Variants in ITGA2B observed in about 807,000 individuals in gnomAD.
ITGA2B encodes integrin subunit alpha 2b.
In ITGA2B, 91 loss-of-function variants were observed where a neutral mutation model predicts 142.0. The ratio of observed to expected loss-of-function variants is 0.64; its 90% CI spans 0.54 to 0.76. ITGA2B has a LOEUF of 0.76. Among genes scored for constraint, ITGA2B ranks in the 30% least tolerant of loss-of-function variants. The pLI is 0.00. For synonymous variants in ITGA2B, 536 were observed against 567.2 expected, an observed-to-expected ratio of 0.94 and a Z score of 0.78; for missense variants, 1,231 against 1,350.8, an observed-to-expected ratio of 0.91 and a Z score of 1.39.
chr17:44,383,589 C>A lies in ITGA2B; in HGVS notation c.1114G>T (p.Gly372Cys). Reference protein sequence around the residue: ...FLQPRGPHALGAPSLLLTGTQ... With the variant: ...FLQPRGPHALCAPSLLLTGTQ... ...CCAGTCAGCAGGAGGCTGGGGGCAC[C>A]CAGCGCGTGGGGGCCTCGCGGCTGC... is the stretch of plus-strand genomic sequence containing the variant. Residue 372 changes from glycine (G) to cysteine (C), a missense_variant, in exon 12 of 30, where the codon GGT becomes TGT. By Grantham distance (159) the Gly-to-Cys change is radical. This residue lies in a region of ITGA2B where 908 missense variants were observed against 1,021.1 expected (regional missense o/e 0.89). Coordinates refer to ENST00000262407, the MANE Select transcript of ITGA2B (RefSeq NM_000419.5). 1.9e-6 allele frequency: 3 copies of A among 1,611,286 alleles called. No homozygotes were observed. Among genetic ancestry groups the A allele is most frequent in the Non-Finnish European group, 8.5e-7 (1 of 1,179,540 alleles).
chr17:44,376,356 A>G lies in ITGA2B; in HGVS notation c.2300T>C (p.Val767Ala), dbSNP rs369924762. ...TGCCCGGACCGGCACGTCCAGCAGC[A>G]CAATCTTGCTGTTTGGATTCTGGCT... ...KNSQNPNSKI[V>A]LLDVPVRAEA... The change falls in exon 23 of 30, where the codon GTG becomes GCG. Residue 767 changes from valine (V) to alanine (A), a missense_variant. Physicochemically the swap from Val to Ala is moderately conservative, Grantham distance 64. This residue lies in a region of ITGA2B where 908 missense variants were observed against 1,021.1 expected (regional missense o/e 0.89). Transcript: ENST00000262407. The G allele has an allele frequency of 6.8e-6, 11 of 1,614,044 alleles. No homozygotes were observed. In the African/African-American group the frequency reaches 1.3e-4, roughly 20 times the overall value.
Position 44,380,908 on chromosome 17 carries a change from G to C in ITGA2B, c.1364C>G (p.Ala455Gly). The C allele has an allele frequency of 6.2e-7, 1 of 1,614,224 alleles. No individual in the cohort carries two copies. The highest frequency in any genetic ancestry group is 8.5e-7 in the Non-Finnish European group (1 of 1,180,040). The change falls in exon 13 of 30, where the codon GCC becomes GGC. Residue 455 changes from alanine to glycine, a missense_variant. Coordinates refer to ENST00000262407, the MANE Select transcript of ITGA2B (RefSeq NM_000419.5). ...GTATCCGTTGTCATCGATGTCTACG[G>C]CACCTCGAAGGGAGAAGCCAAAGGC... ...GSAFGFSLRGAVDIDDNGYPD... is the reference protein window; with the variant it reads ...GSAFGFSLRGGVDIDDNGYPD...
rs769338746 is a variant in ITGA2B, at chr17:44,389,366, T to C, written c.108A>G (p.Pro36=). The C allele has an allele frequency of 6.2e-6, 10 of 1,614,162 alleles. No individual in the cohort carries two copies. In the South Asian group the frequency reaches 9.9e-5, roughly 16 times the overall value. ...GGCCTGCATAGAAGGTGAGCTGCAC[T>C]GGGTCCAGGTTCAAGGCCCAGGCTG... The part of the protein sequence containing the change: ...APPAWALNLD[P]VQLTFYAGPN... The change falls in exon 1 of 30, where the codon CCA becomes CCG. Residue 36 remains proline, a synonymous_variant. Coordinates refer to ENST00000262407, the MANE Select transcript of ITGA2B (RefSeq NM_000419.5).
At chr17:44,375,807 A>G in intron 25 of ITGA2B, 26 bp downstream of exon 25, 3 of 1,562,756 alleles carry the variant, frequency 1.9e-6, no homozygotes, top group South Asian at 1.2e-5. Context: ...CCGCCTTCCC[A>G]GGTCTTTCTT....
rs77992265 is a variant in ITGA2B, at chr17:44,372,214, G to A, written c.*150C>T. The A allele has an allele frequency of 8.2e-5, 60 of 734,802 alleles. No individual in the cohort carries two copies. The highest frequency in any genetic ancestry group is 4.0e-4 in the East Asian group (15 of 37,242). 45.5% of individuals were successfully genotyped at this position (734,802 alleles called of 1,614,324 possible). A position where few individuals can be genotyped will look rare whatever the true frequency, so the allele number is the denominator to read the frequency against. ...CAGTCTCTTTATTAGGCAGCAGGAG[G>A]GGGGGTAGCCCAGCTCTGTTGGGAG... On this transcript the variant is annotated 3_prime_UTR_variant, in exon 30 of 30. Transcript: ENST00000262407.
At chr17:44,372,833 C>G (rs920351587) in intron 29 of ITGA2B, among the ~76,000 whole-genome samples, 1 of 151,964 alleles carries the variant, frequency 6.6e-6, no homozygotes, top group Non-Finnish European at 1.5e-5. Context: ...GTTGGCCGGG[C>G]TGGTCTCAAA....
rs1475414372 is a variant in ITGA2B, at chr17:44,389,309, G to A, written c.165C>T (p.Asp55=). ...ACCTCCCATGGCTGTCCTTGTGGAAGTCCAGTGAAAATCCAAACTGGCTGC... is the reference window on the plus strand; with the variant it reads ...ACCTCCCATGGCTGTCCTTGTGGAAATCCAGTGAAAATCCAAACTGGCTGC... ...PNGSQFGFSL[D]FHKDSHGRVA... is the part of the protein sequence containing the mutation. Residue 55 remains aspartate, a synonymous_variant, in exon 1 of 30, where the codon GAC becomes GAT. Transcript: ENST00000262407. The A allele has an allele frequency of 6.2e-7, 1 of 1,614,168 alleles. No individual in the cohort carries two copies. The highest frequency in any genetic ancestry group is 1.1e-5 in the South Asian group (1 of 91,084).
intron 27 of ITGA2B, 108 bp downstream of exon 27, chr17:44,374,890 C>A (rs2048526125): frequency 2.4e-6 from 3 of 1,266,104 alleles, no homozygotes; most frequent in Non-Finnish European, 3.3e-6. Context: ...CCAAAGTAAA[C>A]CTTGCCTTCC....
intron 12 of ITGA2B, among the ~76,000 whole-genome samples, chr17:44,381,640 A>AT (rs959154896): frequency 8.2e-5 from 11 of 134,540 alleles, no homozygotes; most frequent in East Asian, 6.9e-4. Context: ...CCCTTTTAAA[A>AT]TTTTTTTATT....
rs969290408 is a variant in ITGA2B at position 44,378,972 on chromosome 17, G to A, written c.1879-262C>T. On this transcript the variant is annotated intron_variant, in intron 18 of 29. Transcript: ENST00000262407. ...TGTTTATTTTATTTTTGGAGACGGA[G>A]TCTCGCTCTGTCGTCCAGGCTGGAG... Among the ~76,000 whole-genome samples, 12 of 152,306 alleles carry A rather than the reference G, an allele frequency of 7.9e-5. No homozygotes were observed. The East Asian group carries it at 2.1e-3, about 27-fold the overall frequency.
At position 44,389,420 on chromosome 17, in the gene ITGA2B, C is replaced by A; in HGVS notation, c.54G>T (p.Leu18=). The change falls in exon 1 of 30, where the codon CTG becomes CTT. Residue 18 remains leucine, a synonymous_variant. Transcript: ENST00000262407. ...LQALWLLEWV[L]LLLGPCAAPP... ...GGGCAGCACAAGGTCCCAAGAGCAG[C>A]AGCACCCACTCCAGAAGCCAGAGGG... 6.2e-7 allele frequency: 1 copy of A among 1,614,192 alleles called. No homozygotes were observed.
rs2048562225 is a variant in ITGA2B at position 44,378,301 on chromosome 17, G to A, written c.2094+61C>T. ...GAGGGACTCTCAGGGAGGGAGATGA[G>A]AGAGCCAAGGCTCCAGTGCCTCCCA... On this transcript the variant is annotated intron_variant, in intron 20 of 29. Coordinates refer to ENST00000262407, the MANE Select transcript of ITGA2B (RefSeq NM_000419.5). 5.1e-6 allele frequency: 8 copies of A among 1,561,538 alleles called. No homozygotes were observed. In the South Asian group the frequency reaches 9.5e-5, roughly 19 times the overall value.
chr17:44,385,020 G>C lies in ITGA2B; in HGVS notation c.727C>G (p.Leu243Val). ...DIFSSYRPGI[L>V]LWHVSSQSLS... ...CTCTGGGAGGACACGTGCCACAAAA[G>C]GATGCCTGGGCGGTAACTCGAGAAA... The change falls in exon 7 of 30, where the codon CTT (leucine) becomes GTT (valine). Residue 243 changes from leucine to valine, a missense_variant. Physicochemically the swap from Leu to Val is conservative, Grantham distance 32 (BLOSUM62 1). Around this residue, in one of 3 missense-constraint regions of ITGA2B, gnomAD observed 318 missense variants for 312.2 expected, o/e 1.02. Transcript: ENST00000262407. 1 of 1,614,192 alleles carries C rather than the reference G, an allele frequency of 6.2e-7. No individual in the cohort carries two copies. The highest frequency in any genetic ancestry group is 8.5e-7 in the Non-Finnish European group (1 of 1,180,030).
rs1390395063 is a variant in ITGA2B at position 44,380,931 on chromosome 17, G to A, written c.1341C>T (p.Ala447=). 6.2e-7 allele frequency: 1 copy of A among 1,614,256 alleles called. No homozygotes were observed. The highest frequency in any genetic ancestry group is 1.1e-5 in the South Asian group (1 of 91,088). ...VLDSPFPTGS[A]FGFSLRGAVD... is the part of the protein sequence containing the mutation. ...CGGCACCTCGAAGGGAGAAGCCAAA[G>A]GCAGAGCCTGTGGGGAAGGGGCTGT... Residue 447 remains alanine (A), a synonymous_variant, in exon 13 of 30, where the codon GCC becomes GCT. Transcript: ENST00000262407.
chr17:44,387,642 A>G (rs1472958450), intron 1 of ITGA2B, among the ~76,000 whole-genome samples: 4 of 150,982 alleles, frequency 2.6e-5, no homozygotes, highest in African/African-American at 4.9e-5. Context: ...CCTGACCAAC[A>G]TGGAGAAACC....
At position 44,383,929 on chromosome 17, in the gene ITGA2B, C is replaced by A; in HGVS notation, c.963G>T (p.Gly321=). Residue 321 remains glycine, a synonymous_variant, in exon 11 of 30, where the codon GGG becomes GGT. Coordinates refer to ENST00000262407, the MANE Select transcript of ITGA2B (RefSeq NM_000419.5). ...TGACGTCAGTGACAGCCACTGAATG[C>A]CCAAAATACGACGCCATCTGCAAGA... ...LRGEQMASYF[G]HSVAVTDVNG... is the part of the protein sequence containing the mutation. 6.2e-7 allele frequency: 1 copy of A among 1,614,010 alleles called. No homozygotes were observed. Among genetic ancestry groups the A allele is most frequent in the Non-Finnish European group, 8.5e-7 (1 of 1,180,004 alleles).
chr17:44,383,862 A>G (rs2048618762), intron 11 of ITGA2B, 32 bp downstream of exon 11: 4 of 1,611,470 alleles, frequency 2.5e-6, no homozygotes, highest in African/African-American at 1.3e-5. Flanking sequence ...TTGGGACCCA[A>G]CTGGGTAGGG....
rs868526723 is a variant in ITGA2B at position 44,383,828 on chromosome 17, G to A, written c.998+66C>T. 81 of 1,595,144 alleles carry A rather than the reference G, an allele frequency of 5.1e-5. 1 individual carries two copies. The Middle Eastern group carries it at 3.5e-3, about 68-fold the overall frequency. On this transcript the variant is annotated intron_variant, in intron 11 of 29. Transcript: ENST00000262407. ...TACGTGAGACTAGGGCTAGGAAAGG[G>A]AGACAGAGGGCAGCTCTGGTAATTT... is the stretch of plus-strand genomic sequence containing the variant.
At chr17:44,374,891 C>A (rs2048526147) in intron 27 of ITGA2B, 107 bp downstream of exon 27, 4 of 1,271,286 alleles carry the variant, frequency 3.1e-6, no homozygotes, top group Non-Finnish European at 4.4e-6. Flanking sequence ...CAAAGTAAAC[C>A]TTGCCTTCCC....
Sources: gnomAD v4.1 joint callset for allele counts (sites outside exome capture counted in the v4.1 genomes callset) on GRCh38, gnomAD v4.1.1 for gene constraint, gnomAD v4.1.1 regional missense constraint, MANE v1.5 for transcripts, NCBI Gene and HGNC (gene_info 2026-07-23, HGNC 2026-07-21) for gene names.